The following CTTNBP2NL variants were observed in gnomAD, a reference collection of about 807,000 sequenced individuals.
CTTNBP2NL encodes the protein CTTNBP2 N-terminal like.
Under a neutral mutation model 32.5 loss-of-function variants are expected in CTTNBP2NL, and 16 were observed. The observed-to-expected ratio is 0.49, with a 90% CI of 0.33 to 0.75. The LOEUF is 0.75. CTTNBP2NL is among the 30% of genes least tolerant of loss of function. The pLI, the probability that CTTNBP2NL is intolerant of heterozygous loss-of-function variation, is 0.02. For missense variants in CTTNBP2NL, 645 were observed against 756.0 expected (o/e 0.85, Z 1.72); for synonymous variants, 298 against 289.4 (o/e 1.03, Z -0.30).
At chr1:112,426,988 T>C (rs759417721) in intron 3 of CTTNBP2NL, among the ~76,000 whole-genome samples, 4 of 152,184 alleles carry the variant, frequency 2.6e-5, no homozygotes, top group Non-Finnish European at 4.4e-5. Flanking sequence ...TTTTATGAAC[T>C]CCTCTCCTTT....
intron 3 of CTTNBP2NL, among the ~76,000 whole-genome samples, chr1:112,433,064 A>G (rs1570733953): frequency 1.3e-5 from 2 of 151,844 alleles, no homozygotes; most frequent in East Asian, 1.9e-4. Context: ...TTTTTCTTCC[A>G]TATTCCTCTT....
intron 2 of CTTNBP2NL, among the ~76,000 whole-genome samples, chr1:112,412,607 CCT>C (rs1648905894): frequency 3.2e-5 from 4 of 126,524 alleles, no homozygotes; most frequent in African/African-American, 9.4e-5. Flanking sequence ...TGAGTTGGTA[CCT>C]TTTTTTTTTT....
chr1:112,447,634 GA>G (rs1557896681), intron 3 of CTTNBP2NL, among the ~76,000 whole-genome samples: 2 of 151,406 alleles, frequency 1.3e-5, no homozygotes. Flanking sequence ...TTTCAGCACT[GA>G]AATACTTCTG....
rs2101036358 is a variant in CTTNBP2NL at position 112,456,424 on chromosome 1, T to C, written c.932T>C (p.Phe311Ser). ...GAGCCTCTCATGCTAATGTCTGTGT[T>C]TTGCCAAACAGAGAGTTTTCCAGCA... is the stretch of plus-strand genomic sequence containing the variant. ...ATEPLMLMSV[F>S]CQTESFPAER... Residue 311 changes from phenylalanine to serine, a missense_variant, in exon 6 of 6, where the codon TTT becomes TCT. By Grantham distance (155) the Phe-to-Ser change is radical. Coordinates refer to ENST00000271277, the MANE Select transcript of CTTNBP2NL (RefSeq NM_018704.3). The C allele has an allele frequency of 1.9e-6, 3 of 1,614,032 alleles. No homozygotes were observed. In the East Asian group the frequency reaches 6.7e-5, roughly 36 times the overall value.
At chr1:112,405,228 G>A (rs1464489419) in intron 1 of CTTNBP2NL, among the ~76,000 whole-genome samples, 1 of 152,132 alleles carries the variant, frequency 6.6e-6, no homozygotes, top group African/African-American at 2.4e-5. Flanking sequence ...CTTAACTAAT[G>A]TAGTTCTAGT....
intron 3 of CTTNBP2NL, among the ~76,000 whole-genome samples, chr1:112,439,208 G>T (rs1000117710): frequency 1.9e-5 from 2 of 106,326 alleles, no homozygotes; most frequent in Non-Finnish European, 2.5e-5. Flanking sequence ...CACCATGGTA[G>T]GGGTCTTAAA....
rs374019696 is a variant in CTTNBP2NL, at chr1:112,456,150, G to C, written c.658G>C (p.Glu220Gln). The change falls in exon 6 of 6, where the codon GAG becomes CAG. Residue 220 changes from glutamate (E) to glutamine (Q), a missense_variant. Glu to Gln is a conservative substitution (Grantham distance 29). Transcript: ENST00000271277. ...EKSRVSKLEE[E>Q]LAAERKRGLQ... is the part of the protein sequence containing the mutation. ...GAGCCGGGTGAGTAAACTGGAAGAA[G>C]AGTTGGCAGCTGAGAGAAAGAGAGG... 6.2e-7 allele frequency: 1 copy of C among 1,614,056 alleles called. No individual in the cohort carries two copies. Among genetic ancestry groups the C allele is most frequent in the Non-Finnish European group, 8.5e-7 (1 of 1,180,034 alleles).
chr1:112,415,245 A>G (rs1343057989), intron 2 of CTTNBP2NL, among the ~76,000 whole-genome samples: 1 of 152,178 alleles, frequency 6.6e-6, no homozygotes, highest in South Asian at 2.1e-4. Context: ...TTCATTTAAA[A>G]GTAAGTTTGC....
rs1650144599 is a variant in CTTNBP2NL at position 112,449,182 on chromosome 1, C to T, written c.330+10C>T. The T allele has an allele frequency of 1.3e-6, 2 of 1,502,148 alleles. No homozygotes were observed. The highest frequency in any genetic ancestry group is 1.1e-5 in the South Asian group (1 of 88,234). The allele number at this position is 1,502,148 out of a possible 1,614,324, so 93.1% of individuals were successfully genotyped here. On this transcript the variant is annotated intron_variant, in intron 4 of 5. Transcript: ENST00000271277. ...GAGCAGGCACCGAAAGGTAGGTTCA[C>T]CTCAGTTGATGTGTAAATCTTTGTG...
intron 1 of CTTNBP2NL, among the ~76,000 whole-genome samples, chr1:112,405,622 A>T (rs185168448): frequency 5.2e-4 from 79 of 152,262 alleles, no homozygotes; most frequent in South Asian, 1.5e-3. Context: ...ATAGCTTTGC[A>T]CTAATGTTCT....
intron 3 of CTTNBP2NL, among the ~76,000 whole-genome samples, chr1:112,417,765 C>A (rs1041609437): frequency 6.6e-6 from 1 of 152,134 alleles, no homozygotes; most frequent in Non-Finnish European, 1.5e-5. Context: ...AAAATTGTTT[C>A]AATCGTTTGA....
chr1:112,421,878 G>A (rs1023639672), intron 3 of CTTNBP2NL, among the ~76,000 whole-genome samples: 6 of 152,118 alleles, frequency 3.9e-5, no homozygotes, highest in Middle Eastern at 6.8e-3. Context: ...GGAAATACAG[G>A]GATAATGCAG....
chr1:112,404,251 G>A (rs1163464974), intron 1 of CTTNBP2NL, among the ~76,000 whole-genome samples: 1 of 152,180 alleles, frequency 6.6e-6, no homozygotes, highest in Non-Finnish European at 1.5e-5. Flanking sequence ...CTTGTTGTTG[G>A]AAATATTCAA....
chr1:112,451,162 T>C (rs1205748905), intron 4 of CTTNBP2NL, among the ~76,000 whole-genome samples: 1 of 152,050 alleles, frequency 6.6e-6, no homozygotes, highest in East Asian at 1.9e-4. Flanking sequence ...CTAACCTCCA[T>C]ATTTCTAAAT....
chr1:112,396,519 C>T (rs1299230503), intron 1 of CTTNBP2NL: 1 of 152,370 alleles, frequency 6.6e-6, no homozygotes, highest in Non-Finnish European at 1.5e-5. Context: ...AGGGGCTTCC[C>T]TCTGACACCC....
intron 3 of CTTNBP2NL, among the ~76,000 whole-genome samples, chr1:112,428,216 C>T (rs1649461318): frequency 6.6e-6 from 1 of 152,042 alleles, no homozygotes. Flanking sequence ...TTAATTTTTT[C>T]TTCAGAACTT....
intron 3 of CTTNBP2NL, among the ~76,000 whole-genome samples, chr1:112,433,525 C>T (rs1399104759): frequency 6.6e-6 from 1 of 152,102 alleles, no homozygotes; most frequent in Non-Finnish European, 1.5e-5. Flanking sequence ...CCGGGAGGCA[C>T]AGGTTGCAGT....
At chr1:112,433,242 A>G (rs1201884151) in intron 3 of CTTNBP2NL, among the ~76,000 whole-genome samples, 3 of 151,964 alleles carry the variant, frequency 2.0e-5, no homozygotes, top group Non-Finnish European at 2.9e-5. Context: ...GTTATTATTC[A>G]TTTTTGTGTG....
intron 3 of CTTNBP2NL, among the ~76,000 whole-genome samples, chr1:112,425,612 C>T (rs1649370181): frequency 2.0e-5 from 3 of 151,494 alleles, no homozygotes; most frequent in Non-Finnish European, 4.4e-5. Flanking sequence ...GCCTATAATC[C>T]CAGTATTTTG....
Sources: gnomAD v4.1 joint callset for allele counts (sites outside exome capture counted in the v4.1 genomes callset) on GRCh38, gnomAD v4.1.1 for gene constraint, MANE v1.5 for transcripts, NCBI Gene and HGNC (gene_info 2026-07-23, HGNC 2026-07-21) for gene names.